ZNF394: variants seen among roughly 807,000 people sequenced by gnomAD.
ZNF394 encodes the protein zinc finger protein 394.
ZNF394 carries 19 observed loss-of-function variants against 21.8 expected under a neutral mutation model. The ratio of observed to expected loss-of-function variants is 0.87; its 90% CI spans 0.61 to 1.28. The LOEUF is 1.28. Among genes scored for constraint, ZNF394 ranks in the 50% most tolerant of loss-of-function variants. The pLI, the probability that ZNF394 is intolerant of heterozygous loss-of-function variation, is 0.00. For synonymous variants in ZNF394, 294 were observed against 273.3 expected (o/e 1.08, Z -0.75); for missense variants, 683 against 708.6 (o/e 0.96, Z 0.41).
rs756634600 is a variant in ZNF394, at chr7:99,494,573, T to C, written c.642A>G (p.Glu214=). The C allele has an allele frequency of 1.2e-6, 2 of 1,605,134 alleles. No homozygotes were observed. The highest frequency in any genetic ancestry group is 1.7e-6 in the Non-Finnish European group (2 of 1,177,756). The change falls in exon 3 of 3, where the codon GAA becomes GAG. Residue 214 remains glutamate, a synonymous_variant. Coordinates refer to ENST00000337673, the MANE Select transcript of ZNF394 (RefSeq NM_032164.4). The part of the protein sequence containing the change: ...ELIPMQQILE[E]AEPQGQLQEA... ...CTTGTAGTTGCCCCTGTGGCTCCGC[T>C]TCTTCTAAAATTTGTTGCATTGGAA...
chr7:99,491,732 T>TGC (rs1176206172), downstream of ZNF394, among the ~76,000 whole-genome samples: 3 of 131,964 alleles, frequency 2.3e-5, no homozygotes, highest in South Asian at 2.4e-4. Context: ...GCCGATATCA[T>TGC]GCCACTGCAC....
chr7:99,496,376 A>C (rs1800310766), intron 2 of ZNF394, among the ~76,000 whole-genome samples: 1 of 151,602 alleles, frequency 6.6e-6, no homozygotes, highest in African/African-American at 2.4e-5. Flanking sequence ...ATTTGAGCAA[A>C]GCCCTGAAAC....
intron 2 of ZNF394, chr7:99,497,757 G>A (rs1800383744): frequency 6.6e-6 from 1 of 152,054 alleles, no homozygotes; most frequent in Non-Finnish European, 1.5e-5. Flanking sequence ...CAGCTCCTCG[G>A]GAGACAGAGG....
intron 1 of ZNF394, chr7:99,487,236 A>G (rs1189878988): frequency 6.2e-7 from 1 of 1,614,222 alleles, no homozygotes; most frequent in Non-Finnish European, 8.5e-7. Context: ...ACACCCATAA[A>G]TGCAGTGAAT....
rs1356048984 is a variant in ZNF394 at position 99,493,923 on chromosome 7, C to T, written c.1292G>A (p.Arg431His). The T allele has an allele frequency of 5.0e-6, 8 of 1,614,086 alleles. No homozygotes were observed. The highest frequency in any genetic ancestry group is 2.7e-5 in the African/African-American group (2 of 74,932). Residue 431 changes from arginine to histidine, a missense_variant, in exon 3 of 3, where the codon CGT (arginine) becomes CAT (histidine). Around this residue, in one of 3 missense-constraint regions of ZNF394, gnomAD observed 274 missense variants for 314.1 expected, o/e 0.87. Coordinates refer to ENST00000337673, the MANE Select transcript of ZNF394 (RefSeq NM_032164.4). Reference sequence around the variant, plus strand: ...GTCTCTACTGTGGGTACTTTGATGACGATTTAGGTGTGAATTCTGCCTGAA... The same window carrying T: ...GTCTCTACTGTGGGTACTTTGATGATGATTTAGGTGTGAATTCTGCCTGAA... ...ERFRQNSHLN[R>H]HQSTHSRDKH...
In ZNF394 at chr7:99,499,753, G is replaced by T. The variant is rs1466248432; in HGVS notation, c.341C>A (p.Thr114Asn). ...GGCTTGAAGCTCCTCGGGCAGGATG[G>T]TGAGGAACTGCTCCAGCACCAGCAG... Reference protein sequence around the residue: ...LELLVLEQFLTILPEELQAWV... With the variant: ...LELLVLEQFLNILPEELQAWV... Residue 114 changes from threonine to asparagine, a missense_variant, in exon 1 of 3, where the codon ACC (threonine) becomes AAC (asparagine). Around this residue, in one of 3 missense-constraint regions of ZNF394, gnomAD observed 402 missense variants for 373.8 expected, o/e 1.08. Coordinates refer to ENST00000337673, the MANE Select transcript of ZNF394 (RefSeq NM_032164.4). The T allele has an allele frequency of 2.5e-6, 4 of 1,614,122 alleles. No individual in the cohort carries two copies. The highest frequency in any genetic ancestry group is 2.5e-6 in the Non-Finnish European group (3 of 1,180,046).
chr7:99,497,114 G>GTATATA (rs1347859430), intron 2 of ZNF394, among the ~76,000 whole-genome samples: 23 of 116,598 alleles, frequency 2.0e-4, no homozygotes, highest in African/African-American at 9.9e-4. Flanking sequence ...GTGTGTGTGT[G>GTATATA]TGTGTGTGTA....
chr7:99,490,179 G>A (rs1441932695), downstream of ZNF394, among the ~76,000 whole-genome samples: 5 of 133,932 alleles, frequency 3.7e-5, no homozygotes, highest in Non-Finnish European at 7.7e-5. Flanking sequence ...TTGAGATGGC[G>A]AGTCTCGCTC....
chr7:99,493,218 G>C (rs1800198788), downstream of ZNF394: 2 of 1,072,704 alleles, frequency 1.9e-6, no homozygotes, highest in Non-Finnish European at 1.1e-6. Context: ...GACAAGAAAA[G>C]AAACAGGCCA....
At chr7:99,487,008 T>A (rs1304088967) in intron 1 of ZNF394, 2 of 1,613,992 alleles carry the variant, frequency 1.2e-6, no homozygotes, top group African/African-American at 1.3e-5. Flanking sequence ...GAAAGTGTTT[T>A]CGGCAGCTCG....
At chr7:99,486,677 A>G in exon 2 of ZNF394, 1 of 1,614,204 alleles carries the variant, frequency 6.2e-7, no homozygotes, top group South Asian at 1.1e-5. Flanking sequence ...GGCTTCCTTC[A>G]AAACCTTAAC....
intron 1 of ZNF394, chr7:99,487,413 A>G (rs1261278543): frequency 6.2e-7 from 1 of 1,614,244 alleles, no homozygotes; most frequent in Admixed American, 1.7e-5. Flanking sequence ...AATGTGTCAT[A>G]TGTGGAAAAT....
At position 99,493,871 on chromosome 7, in the gene ZNF394, C is replaced by T. The variant is rs1375013855; in HGVS notation, c.1344G>A (p.Gly448=). Reference sequence around the variant, plus strand: ...AAAGGTTGGAAATATGACAGGTTTCCCCGCATTCCTCACATTTAAAATGTT... The same window carrying T: ...AAAGGTTGGAAATATGACAGGTTTCTCCGCATTCCTCACATTTAAAATGTT... ...RDKHFKCEEC[G]ETCHISNLFR... The change falls in exon 3 of 3, where the codon GGG becomes GGA. Residue 448 remains glycine (G), a synonymous_variant. Coordinates refer to ENST00000337673, the MANE Select transcript of ZNF394 (RefSeq NM_032164.4). 1.9e-6 allele frequency: 3 copies of T among 1,614,016 alleles called. No individual in the cohort carries two copies. The highest frequency in any genetic ancestry group is 2.5e-6 in the Non-Finnish European group (3 of 1,180,020).
chr7:99,495,068 C>G, intron 2 of ZNF394, among the ~76,000 whole-genome samples: 1 of 151,646 alleles, frequency 6.6e-6, no homozygotes, highest in East Asian at 2.0e-4. Context: ...CTCTGTTGCC[C>G]AGGCTGGAGT....
downstream of ZNF394, among the ~76,000 whole-genome samples, chr7:99,492,017 G>A (rs2151079657): frequency 6.7e-6 from 1 of 149,666 alleles, no homozygotes; most frequent in East Asian, 2.0e-4. Flanking sequence ...AGTTTGTAGT[G>A]AGCCGAGATT....
In ZNF394 at chr7:99,500,257, C is replaced by T. The variant is rs977974698; in HGVS notation, c.-164G>A. ...CCTTTCCTCAGCTTTGCGCCTACAA[C>T]TCTCTCGGTCAAACAACCGAAAACA... On this transcript the variant is annotated 5_prime_UTR_variant, in exon 1 of 3. Transcript: ENST00000337673. 3 of 619,738 alleles carry T rather than the reference C, an allele frequency of 4.8e-6. No individual in the cohort carries two copies. Among genetic ancestry groups the T allele is most frequent in the Admixed American group, 7.4e-5 (2 of 26,920 alleles). 38.4% of individuals were successfully genotyped at this position (619,738 alleles called of 1,614,324 possible). A position where few individuals can be genotyped will look rare whatever the true frequency, so the allele number is the denominator to read the frequency against.
exon 2 of ZNF394, chr7:99,486,692 T>C: frequency 6.2e-7 from 1 of 1,614,226 alleles, no homozygotes; most frequent in Non-Finnish European, 8.5e-7. Flanking sequence ...CTTAACCTTA[T>C]TCAAGATCAG....
At chr7:99,487,007 T>C in intron 1 of ZNF394, 2 of 1,614,126 alleles carry the variant, frequency 1.2e-6, no homozygotes, top group Non-Finnish European at 1.7e-6. Context: ...GGAAAGTGTT[T>C]TCGGCAGCTC....
chr7:99,487,131 T>A, intron 1 of ZNF394: 1 of 1,614,176 alleles, frequency 6.2e-7, no homozygotes, highest in Non-Finnish European at 8.5e-7. Flanking sequence ...AGGTGATCCA[T>A]AGTGGAGAAA....
Sources: allele counts gnomAD v4.1 joint callset (sites outside exome capture counted in the v4.1 genomes callset), GRCh38; gene constraint gnomAD v4.1.1; regional missense constraint gnomAD v4.1.1; transcripts MANE v1.5; gene names NCBI Gene and HGNC (gene_info 2026-07-23, HGNC 2026-07-21).